Variants in YME1L1 observed in about 807,000 individuals in gnomAD.
YME1L1 encodes the protein ATP-dependent zinc metalloprotease YME1L1.
Under a neutral mutation model 90.4 loss-of-function variants are expected in YME1L1, and 39 were observed. That is an observed-to-expected ratio of 0.43 (90% CI 0.33 to 0.56). The LOEUF (loss-of-function observed/expected upper bound fraction) is 0.56, where lower values mean the gene tolerates loss of function less well. YME1L1 is among the 20% of genes least tolerant of loss of function. The probability of loss-of-function intolerance (pLI) is 0.03; values close to 1 mark genes in which losing one functional copy is unlikely to be tolerated. For missense variants in YME1L1, 617 were observed against 868.4 expected (o/e 0.71, Z 3.64); for synonymous variants, 284 against 287.3 (o/e 0.99, Z 0.12).
chr10:27,139,217 G>A (rs1261597998), intron 4 of YME1L1, among the ~76,000 whole-genome samples: 1 of 151,756 alleles, frequency 6.6e-6, no homozygotes, highest in South Asian at 2.1e-4. Context: ...ATATTTTTTA[G>A]ATAGGATCTT....
intron 2 of YME1L1, among the ~76,000 whole-genome samples, chr10:27,148,347 C>T (rs531840270): frequency 6.6e-6 from 1 of 152,006 alleles, no homozygotes; most frequent in African/African-American, 2.4e-5. Context: ...GGACTACAGG[C>T]GCACGCCACC....
chr10:27,129,727 A>G (rs1331745286), intron 8 of YME1L1, among the ~76,000 whole-genome samples: 2 of 127,530 alleles, frequency 1.6e-5, no homozygotes, highest in Non-Finnish European at 3.3e-5. Context: ...ATAAAAAAAA[A>G]AAATCAGTAG....
At chr10:27,112,187 GAGAA>G in intron 18 of YME1L1, 67 bp from the exon 19 acceptor site, 1 of 1,471,062 alleles carries the variant, frequency 6.8e-7, no homozygotes, top group Non-Finnish European at 9.2e-7. Flanking sequence ...TCAATGGGAA[GAGAA>G]AGAAAAACTT....
chr10:27,134,958 T>A lies in YME1L1; in HGVS notation c.564A>T (p.Gly188=), dbSNP rs745346316. The change falls in exon 6 of 19, where the codon GGA becomes GGT. Residue 188 remains glycine (G), a synonymous_variant. Transcript: ENST00000376016. ...FVKGFLLRDR[G]SDVESLDKLM... ...GTTTGTCCAAACTCTCAACATCTGA[T>A]CCTCTGTCCCGCAAAAGAAACCCCT... 1 of 1,612,688 alleles carries A rather than the reference T, an allele frequency of 6.2e-7. No individual in the cohort carries two copies. The highest frequency in any genetic ancestry group is 1.1e-5 in the South Asian group (1 of 91,024).
intron 18 of YME1L1, among the ~76,000 whole-genome samples, chr10:27,113,219 C>CAAAAAAAAAAA (rs869122796): frequency 7.0e-5 from 3 of 43,102 alleles, no homozygotes; most frequent in Admixed American, 4.6e-4. Flanking sequence ...GATGCTGTCT[C>CAAAAAAAAAAA]AAAAAAAAAA....
chr10:27,144,443 T>C (rs1478688888), intron 3 of YME1L1, among the ~76,000 whole-genome samples: 1 of 152,230 alleles, frequency 6.6e-6, no homozygotes, highest in African/African-American at 2.4e-5. Context: ...ACCTTCATTA[T>C]AAACTAGTCA....
chr10:27,148,895 T>G lies in YME1L1; in HGVS notation c.168+11A>C. The G allele has an allele frequency of 6.2e-7, 1 of 1,613,436 alleles. No individual in the cohort carries two copies. Among genetic ancestry groups the G allele is most frequent in the Non-Finnish European group, 8.5e-7 (1 of 1,179,908 alleles). ...AAAAGGCTTTCTCACACAACCAGGATAAAGACTTACCTCACTGCTGGGAGC... is the reference window on the plus strand; with the variant it reads ...AAAAGGCTTTCTCACACAACCAGGAGAAAGACTTACCTCACTGCTGGGAGC... On this transcript the variant is annotated intron_variant, in intron 2 of 18. Transcript: ENST00000376016.
At position 27,121,424 on chromosome 10, in the gene YME1L1, G is replaced by T; in HGVS notation, c.1260C>A (p.Ile420=). The T allele has an allele frequency of 1.2e-6, 2 of 1,605,926 alleles. No individual in the cohort carries two copies. Among genetic ancestry groups the T allele is most frequent in the South Asian group, 1.1e-5 (1 of 90,884 alleles). Reference sequence around the variant, plus strand: ...CTGGGAAGTTTGTGGCTCCTATTATGATAACTCCTTCATTGGGTTTAAAAC... The same window carrying T: ...CTGGGAAGTTTGTGGCTCCTATTATTATAACTCCTTCATTGGGTTTAAAAC... ...MDGFKPNEGV[I]IIGATNFPEA... is the part of the protein sequence containing the mutation. The change falls in exon 12 of 19, where the codon ATC becomes ATA. Residue 420 remains isoleucine (I), a synonymous_variant. Coordinates refer to ENST00000376016, the MANE Select transcript of YME1L1 (RefSeq NM_014263.4).
chr10:27,142,809 A>G (rs1189621336), intron 3 of YME1L1, among the ~76,000 whole-genome samples: 1 of 152,016 alleles, frequency 6.6e-6, no homozygotes, highest in African/African-American at 2.4e-5. Context: ...TCTGCCTCCC[A>G]GGTTCACGCC....
intron 9 of YME1L1, among the ~76,000 whole-genome samples, chr10:27,124,276 GA>G (rs1200847831): frequency 6.6e-6 from 1 of 152,066 alleles, no homozygotes; most frequent in Non-Finnish European, 1.5e-5. Context: ...TGTTCAGGGG[GA>G]AAAATACACA....
chr10:27,140,330 C>A (rs755734758), intron 4 of YME1L1, among the ~76,000 whole-genome samples: 53 of 151,892 alleles, frequency 3.5e-4, no homozygotes, highest in Non-Finnish European at 5.9e-4. Flanking sequence ...TTATATAACG[C>A]CCTCAATGTC....
chr10:27,147,484 A>C (rs769286325), intron 2 of YME1L1: 1 of 1,614,166 alleles, frequency 6.2e-7, no homozygotes, highest in Admixed American at 1.7e-5. Flanking sequence ...CATTTGGAGA[A>C]ACCCGCAGTG....
chr10:27,152,683 T>G (rs2057234868), intron 1 of YME1L1, among the ~76,000 whole-genome samples: 1 of 152,162 alleles, frequency 6.6e-6, no homozygotes, highest in Non-Finnish European at 1.5e-5. Flanking sequence ...AATAGCACCT[T>G]CAATGCATTC....
intron 13 of YME1L1, 136 bp from the exon 14 acceptor site, chr10:27,119,585 G>T (rs2056846125): frequency 1.1e-6 from 1 of 883,274 alleles, no homozygotes; most frequent in Non-Finnish European, 1.6e-6. Flanking sequence ...GGGGCAGGCA[G>T]ATCACCTAAG....
rs1405346174 is a variant in YME1L1, at chr10:27,111,142, A to T, written c.*835T>A. 6.6e-6 allele frequency: 1 copy of T among 152,166 alleles called. No homozygotes were observed. The highest frequency in any genetic ancestry group is 1.5e-5 in the Non-Finnish European group (1 of 68,156). The allele number at this position is 152,166 out of a possible 1,614,324, so 9.4% of individuals were successfully genotyped here. A position where few individuals can be genotyped will look rare whatever the true frequency, so the allele number is the denominator to read the frequency against. ...ATGATCTCAGCTCACTGCAACCTCC[A>T]TCTCCCAGGCTCAAGCAATTCTCCT... On this transcript the variant is annotated 3_prime_UTR_variant, in exon 19 of 19. Coordinates refer to ENST00000376016, the MANE Select transcript of YME1L1 (RefSeq NM_014263.4).
intron 1 of YME1L1, among the ~76,000 whole-genome samples, chr10:27,153,944 C>T (rs1588625383): frequency 6.7e-6 from 1 of 150,230 alleles, no homozygotes; most frequent in African/African-American, 2.4e-5. Flanking sequence ...CAGGGTCTCT[C>T]TCTATCACTG....
intron 4 of YME1L1, 101 bp from the exon 5 acceptor site, chr10:27,136,486 T>G (rs757130382): frequency 1.4e-4 from 134 of 930,602 alleles, no homozygotes; most frequent in Non-Finnish European, 2.1e-4. Flanking sequence ...TATCCTAGTC[T>G]ATCTAATTTG....
chr10:27,121,082 ATAATT>A (rs1442154569), intron 12 of YME1L1, among the ~76,000 whole-genome samples: 7 of 152,222 alleles, frequency 4.6e-5, no homozygotes, highest in African/African-American at 1.7e-4. Flanking sequence ...TGTAATTCAC[ATAATT>A]TAAAGTGGAT....
At chr10:27,140,663 G>C (rs892537931) in intron 4 of YME1L1, among the ~76,000 whole-genome samples, 1 of 151,916 alleles carries the variant, frequency 6.6e-6, no homozygotes, top group African/African-American at 2.4e-5. Flanking sequence ...ATTTTTAGTA[G>C]AGATGGGGTT....
Sources: allele counts gnomAD v4.1 joint callset (sites outside exome capture counted in the v4.1 genomes callset), GRCh38; gene constraint gnomAD v4.1.1; transcripts MANE v1.5; gene names NCBI Gene and HGNC (gene_info 2026-07-23, HGNC 2026-07-21).